The following ASIC2 variants were observed in gnomAD, a reference collection of about 807,000 sequenced individuals.
ASIC2 encodes the protein acid-sensing ion channel 2.
ASIC2 carries 25 observed loss-of-function variants against 57.3 expected under a neutral mutation model. The observed-to-expected ratio is 0.44, with a 90% confidence interval of 0.32 to 0.61. The LOEUF (loss-of-function observed/expected upper bound fraction) is 0.61, where lower values mean the gene tolerates loss of function less well. ASIC2 is among the 20% of genes least tolerant of loss of function. The pLI is 0.06. For missense variants in ASIC2, 641 were observed against 738.1 expected, an observed-to-expected ratio of 0.87 and a Z score of 1.52; for synonymous variants, 319 against 307.5, an observed-to-expected ratio of 1.04 and a Z score of -0.39.
chr17:33,845,129 G>A (rs971196573), intron 1 of ASIC2, among the ~76,000 whole-genome samples: 7 of 152,190 alleles, frequency 4.6e-5, no homozygotes, highest in Non-Finnish European at 8.8e-5. Flanking sequence ...AAAAAATTCC[G>A]GAGTTACAGA....
chr17:33,396,185 G>A (rs1293679533), intron 1 of ASIC2, among the ~76,000 whole-genome samples: 5 of 152,172 alleles, frequency 3.3e-5, no homozygotes, highest in Non-Finnish European at 7.4e-5. Flanking sequence ...CCAGAGAGGG[G>A]CAGTGCCTTG....
At chr17:33,228,590 A>G (rs1316007845) in intron 1 of ASIC2, among the ~76,000 whole-genome samples, 1 of 152,242 alleles carries the variant, frequency 6.6e-6, no homozygotes, top group Non-Finnish European at 1.5e-5. Context: ...CCATCCCAAC[A>G]AGAAGTCAAG....
chr17:33,536,702 T>C (rs1271472790), intron 1 of ASIC2, among the ~76,000 whole-genome samples: 4 of 152,324 alleles, frequency 2.6e-5, no homozygotes, highest in Middle Eastern at 3.4e-3. Context: ...GTAGCCAAAG[T>C]GATCTTTTAA....
At chr17:33,833,201 C>A (rs1302456172) in intron 1 of ASIC2, among the ~76,000 whole-genome samples, 1 of 151,906 alleles carries the variant, frequency 6.6e-6, no homozygotes, top group Non-Finnish European at 1.5e-5. Context: ...TATGGAGGGG[C>A]AATAGGCAAA....
chr17:33,585,866 T>G (rs1443809214), intron 1 of ASIC2, among the ~76,000 whole-genome samples: 1 of 152,236 alleles, frequency 6.6e-6, no homozygotes, highest in Non-Finnish European at 1.5e-5. Context: ...TGAAAGCTGC[T>G]TCAAATCCTC....
chr17:33,541,633 G>A (rs1021390077), intron 1 of ASIC2, among the ~76,000 whole-genome samples: 14 of 152,146 alleles, frequency 9.2e-5, no homozygotes, highest in African/African-American at 3.4e-4. Flanking sequence ...TATCATTAGG[G>A]CTTCCACTTT....
chr17:33,915,975 G>C (rs999436337), intron 1 of ASIC2, among the ~76,000 whole-genome samples: 16 of 152,324 alleles, frequency 1.1e-4, no homozygotes, highest in Non-Finnish European at 2.4e-4. Flanking sequence ...ATCCCCAGAG[G>C]AGGGAGACTC....
At chr17:34,083,834 C>G (rs1471634107) in intron 1 of ASIC2, among the ~76,000 whole-genome samples, 1 of 152,234 alleles carries the variant, frequency 6.6e-6, no homozygotes, top group East Asian at 1.9e-4. Context: ...CGAGAAGTGT[C>G]TGTTCAGGTC....
intron 1 of ASIC2, among the ~76,000 whole-genome samples, chr17:33,408,644 G>A (rs1910548807): frequency 6.6e-6 from 1 of 151,988 alleles, no homozygotes; most frequent in Non-Finnish European, 1.5e-5. Flanking sequence ...GAGTAATAAC[G>A]CCTTTATCCT....
chr17:33,549,004 G>A (rs1284677394), intron 1 of ASIC2, among the ~76,000 whole-genome samples: 1 of 151,994 alleles, frequency 6.6e-6, no homozygotes, highest in Non-Finnish European at 1.5e-5. Flanking sequence ...GGATTATCTT[G>A]AGTATTTATT....
intron 1 of ASIC2, among the ~76,000 whole-genome samples, chr17:34,097,921 G>A (rs566141895): frequency 1.1e-4 from 16 of 152,210 alleles, no homozygotes; most frequent in African/African-American, 2.2e-4. Flanking sequence ...ACCTTTGCTC[G>A]GCTGCCCACT....
At chr17:33,709,671 C>T (rs1393552929) in intron 1 of ASIC2, among the ~76,000 whole-genome samples, 1 of 152,098 alleles carries the variant, frequency 6.6e-6, no homozygotes, top group Admixed American at 6.5e-5. Flanking sequence ...TGATTCCTGG[C>T]CCAAACAATT....
At chr17:33,550,290 T>C (rs1444452301) in intron 1 of ASIC2, among the ~76,000 whole-genome samples, 1 of 152,220 alleles carries the variant, frequency 6.6e-6, no homozygotes, top group Non-Finnish European at 1.5e-5. Flanking sequence ...TAAGGCAATA[T>C]CTCCTTTGCA....
intron 1 of ASIC2, among the ~76,000 whole-genome samples, chr17:34,088,811 A>G (rs1910212455): frequency 6.6e-6 from 1 of 152,202 alleles, no homozygotes; most frequent in South Asian, 2.1e-4. Flanking sequence ...GCAATCAGCG[A>G]GACTCCGTGG....
At chr17:34,013,345 TC>T (rs1311439072) in intron 1 of ASIC2, among the ~76,000 whole-genome samples, 16 of 152,244 alleles carry the variant, frequency 1.1e-4, no homozygotes, top group Non-Finnish European at 2.4e-4. Flanking sequence ...ATGCTCCGCC[TC>T]CCAGGCCCAC....
chr17:33,372,940 C>T (rs1909134652), intron 1 of ASIC2, among the ~76,000 whole-genome samples: 1 of 152,190 alleles, frequency 6.6e-6, no homozygotes, highest in Admixed American at 6.5e-5. Flanking sequence ...TCTCTCTCTG[C>T]ACTTTTCTCT....
chr17:33,727,294 C>A (rs1414722538), intron 1 of ASIC2, among the ~76,000 whole-genome samples: 1 of 152,184 alleles, frequency 6.6e-6, no homozygotes, highest in African/African-American at 2.4e-5. Context: ...CACAGGATCC[C>A]ATGTCTATAT....
At chr17:34,060,121 G>A (rs1908918655) in intron 1 of ASIC2, among the ~76,000 whole-genome samples, 1 of 152,108 alleles carries the variant, frequency 6.6e-6, no homozygotes, top group Non-Finnish European at 1.5e-5. Flanking sequence ...ACCAGAACAG[G>A]TGCTGGTATC....
At chr17:33,315,443 G>A (rs776305253) in intron 1 of ASIC2, among the ~76,000 whole-genome samples, 2 of 152,230 alleles carry the variant, frequency 1.3e-5, no homozygotes, top group East Asian at 1.9e-4. Context: ...ATTCCAAAAC[G>A]CTTTGGGATA....
Sources: allele counts gnomAD v4.1 joint callset (sites outside exome capture counted in the v4.1 genomes callset), GRCh38; gene constraint gnomAD v4.1.1; transcripts MANE v1.5; gene names NCBI Gene and HGNC (gene_info 2026-07-23, HGNC 2026-07-21).